Variants in ARHGAP15 observed in about 807,000 individuals in gnomAD.
ARHGAP15 encodes the protein Rho GTPase activating protein 15.
A neutral mutation model predicts 63.7 loss-of-function variants in ARHGAP15; 51 were observed. That is an observed-to-expected ratio of 0.80 (90% CI 0.64 to 1.01). The LOEUF (loss-of-function observed/expected upper bound fraction) is 1.01, where lower values mean the gene tolerates loss of function less well. Among genes scored for constraint, ARHGAP15 ranks in the 50% least tolerant of loss-of-function variants. The pLI, the probability that ARHGAP15 is intolerant of heterozygous loss-of-function variation, is 0.00. For missense variants in ARHGAP15, 560 were observed against 564.6 expected (o/e 0.99, Z 0.08); for synonymous variants, 191 against 193.8 (o/e 0.99, Z 0.12).
At chr2:143,385,249 G>A (rs999984989) in intron 6 of ARHGAP15, among the ~76,000 whole-genome samples, 6 of 152,070 alleles carry the variant, frequency 3.9e-5, no homozygotes, top group African/African-American at 7.2e-5. Context: ...GATTGAGAAC[G>A]TTGTAGTTCA....
At chr2:143,522,314 C>A (rs1694091023) in intron 10 of ARHGAP15, among the ~76,000 whole-genome samples, 1 of 152,076 alleles carries the variant, frequency 6.6e-6, no homozygotes, top group South Asian at 2.1e-4. Context: ...AAAATACAAG[C>A]AAAATTTGGA....
chr2:143,611,009 G>A lies in ARHGAP15; in HGVS notation c.1004-13124G>A, dbSNP rs190794583. Among the ~76,000 whole-genome samples the A allele has an allele frequency of 1.3e-3, 200 of 152,192 alleles. 2 individuals are homozygous for A. The highest frequency in any genetic ancestry group is 4.5e-3 in the African/African-American group (185 of 41,530). The stretch of plus-strand genomic sequence containing the variant: ...CTCCCAAAGTTCTAGGATTACAGGC[G>A]TGAGCCACTGCACCTGGCCTTTTAC... On this transcript the variant is annotated intron_variant, in intron 11 of 13. Transcript: ENST00000295095.
intron 13 of ARHGAP15, among the ~76,000 whole-genome samples, chr2:143,712,335 A>C (rs1450793107): frequency 6.6e-6 from 1 of 152,232 alleles, no homozygotes; most frequent in Non-Finnish European, 1.5e-5. Context: ...GGCATGAAAA[A>C]AGCAGAAATT....
intron 8 of ARHGAP15, among the ~76,000 whole-genome samples, chr2:143,462,809 G>A (rs200888594): frequency 6.6e-6 from 1 of 151,940 alleles, no homozygotes; most frequent in African/African-American, 2.4e-5. Context: ...ATGGACAGAC[G>A]GACAGACAGA....
intron 2 of ARHGAP15, 23 bp downstream of exon 2, chr2:143,155,678 C>T: frequency 1.3e-6 from 2 of 1,522,698 alleles, no homozygotes; most frequent in Non-Finnish European, 1.8e-6. Context: ...CCCCAAATAT[C>T]CCAAGTTCCT....
At chr2:143,452,068 G>A (rs149889128) in intron 8 of ARHGAP15, among the ~76,000 whole-genome samples, 1 of 152,066 alleles carries the variant, frequency 6.6e-6, no homozygotes, top group East Asian at 1.9e-4. Context: ...TACATTGGAT[G>A]TGAAGCCCCT....
At chr2:143,306,069 C>T (rs1574245220) in intron 6 of ARHGAP15, among the ~76,000 whole-genome samples, 1 of 152,168 alleles carries the variant, frequency 6.6e-6, no homozygotes, top group East Asian at 1.9e-4. Flanking sequence ...TTTTCAAACA[C>T]CTGTTTTCCC....
intron 10 of ARHGAP15, among the ~76,000 whole-genome samples, chr2:143,537,320 C>T (rs1295092004): frequency 3.3e-5 from 5 of 152,074 alleles, no homozygotes; most frequent in African/African-American, 7.2e-5. Flanking sequence ...TTCTCCCATT[C>T]TGTAGGTTGC....
chr2:143,586,722 G>T (rs1192390586), intron 11 of ARHGAP15, among the ~76,000 whole-genome samples: 1 of 151,338 alleles, frequency 6.6e-6, no homozygotes, highest in Non-Finnish European at 1.5e-5. Flanking sequence ...AATTCCACTG[G>T]TTTCTTGAAT....
At chr2:143,503,545 C>G (rs961439946) in intron 9 of ARHGAP15, among the ~76,000 whole-genome samples, 1 of 152,190 alleles carries the variant, frequency 6.6e-6, no homozygotes, top group Non-Finnish European at 1.5e-5. Flanking sequence ...AAGCAAGTAG[C>G]GTAGCAAACA....
intron 13 of ARHGAP15, among the ~76,000 whole-genome samples, chr2:143,751,104 A>G (rs958417797): frequency 2.6e-5 from 4 of 152,190 alleles, no homozygotes; most frequent in African/African-American, 9.7e-5. Context: ...ATTAACACCA[A>G]CAGAAGTAAA....
At chr2:143,677,977 G>A (rs1682909235) in intron 12 of ARHGAP15, among the ~76,000 whole-genome samples, 1 of 152,202 alleles carries the variant, frequency 6.6e-6, no homozygotes, top group Non-Finnish European at 1.5e-5. Context: ...GGAGGCCAAG[G>A]CGGGCAGATC....
At chr2:143,231,595 A>G (rs955332123) in intron 5 of ARHGAP15, among the ~76,000 whole-genome samples, 1 of 152,302 alleles carries the variant, frequency 6.6e-6, no homozygotes, top group Admixed American at 6.5e-5. Flanking sequence ...AGCATGTTAC[A>G]AAGTATTCTG....
At chr2:143,611,907 G>A (rs1293207292) in intron 11 of ARHGAP15, among the ~76,000 whole-genome samples, 1 of 152,114 alleles carries the variant, frequency 6.6e-6, no homozygotes, top group African/African-American at 2.4e-5. Context: ...GCCTCACATG[G>A]CCTTTTCGTT....
chr2:143,744,964 T>C (rs1478071904), intron 13 of ARHGAP15, among the ~76,000 whole-genome samples: 1 of 152,226 alleles, frequency 6.6e-6, no homozygotes, highest in Non-Finnish European at 1.5e-5. Flanking sequence ...CCAAGACATA[T>C]CCCATTTACA....
At chr2:143,257,506 A>C (rs1280484074) in intron 6 of ARHGAP15, among the ~76,000 whole-genome samples, 4 of 152,142 alleles carry the variant, frequency 2.6e-5, no homozygotes, top group African/African-American at 9.7e-5. Context: ...TGTGAGCTCA[A>C]AGATATGAGT....
At chr2:143,485,421 A>G (rs1037448130) in intron 8 of ARHGAP15, among the ~76,000 whole-genome samples, 7 of 152,342 alleles carry the variant, frequency 4.6e-5, no homozygotes, top group Non-Finnish European at 7.4e-5. Flanking sequence ...GTAGATATGT[A>G]TGAGATTGTG....
chr2:143,413,153 A>G (rs993040314), intron 6 of ARHGAP15, among the ~76,000 whole-genome samples: 2 of 152,226 alleles, frequency 1.3e-5, no homozygotes, highest in African/African-American at 4.8e-5. Context: ...TACATATTAA[A>G]AAGTACAGAG....
intron 5 of ARHGAP15, 125 bp from the exon 6 acceptor site, chr2:143,250,386 G>A (rs367980893): frequency 1.6e-6 from 1 of 612,248 alleles, no homozygotes; most frequent in Non-Finnish European, 2.6e-6. Flanking sequence ...GGTTTCCCCT[G>A]GGGAAAACAA....
Sources: gnomAD v4.1 joint callset for allele counts (sites outside exome capture counted in the v4.1 genomes callset) on GRCh38, gnomAD v4.1.1 for gene constraint, MANE v1.5 for transcripts, NCBI Gene and HGNC (gene_info 2026-07-23, HGNC 2026-07-21) for gene names.